The following MAP7D2 variants were observed in gnomAD, a reference collection of about 807,000 sequenced individuals.
MAP7D2 encodes MAP7 domain containing 2, also known as MAP7 domain-containing protein 2.
In MAP7D2, 33 loss-of-function variants were observed where a neutral mutation model predicts 63.5. The ratio of observed to expected loss-of-function variants is 0.52; its 90% confidence interval spans 0.39 to 0.70. MAP7D2 has a LOEUF of 0.70. Ranked by LOEUF, MAP7D2 falls within the 30% of genes least tolerant of loss-of-function variation. The probability of loss-of-function intolerance (pLI) is 0.00; values close to 1 mark genes in which losing one functional copy is unlikely to be tolerated. For synonymous variants in MAP7D2, 224 were observed against 223.7 expected (o/e 1.00, Z -0.01); for missense variants, 626 against 604.0 (o/e 1.04, Z -0.38).
At chrX:20,066,232 G>T (rs1239195655) in intron 1 of MAP7D2, among the ~76,000 whole-genome samples, 1 of 111,999 alleles carries the variant, frequency 8.9e-6, no homozygotes, top group Admixed American at 9.4e-5. Flanking sequence ...ATATAACCAG[G>T]TTCACTTCCC....
At chrX:20,053,047 C>T in intron 4 of MAP7D2, 59 bp from the exon 5 acceptor site, 3 of 878,694 alleles carry the variant, frequency 3.4e-6, no homozygotes, top group East Asian at 6.2e-5. Flanking sequence ...AACCAAGAAA[C>T]ACATATCCCG....
At position 20,052,979 on chromosome X, in the gene MAP7D2, T is replaced by C. The variant is rs200382711; in HGVS notation, c.494A>G (p.Lys165Arg). 1.4e-5 allele frequency: 17 copies of C among 1,196,767 alleles called. No homozygotes were observed. The highest frequency in any genetic ancestry group is 3.5e-5 in the South Asian group (2 of 56,522). ...IGPGGHDACD[K>R]LSTSTMSLPK... ...CAAACTCATAGTTGATGTTGAAAGT[T>C]TGTCACATGCTGCAGAGAAATGCAT... The change falls in exon 5 of 17, where the codon AAA (lysine) becomes AGA (arginine). Residue 165 changes from lysine (K) to arginine (R), a missense_variant. Lys to Arg is a conservative substitution (Grantham distance 26, BLOSUM62 2). Transcript: ENST00000379643.
chrX:20,067,876 G>T (rs1034674481), intron 1 of MAP7D2, among the ~76,000 whole-genome samples: 3 of 112,368 alleles, frequency 2.7e-5, no homozygotes, highest in African/African-American at 9.7e-5. Flanking sequence ...GCAGTACTGT[G>T]AGCCAAGCGC....
intron 1 of MAP7D2, among the ~76,000 whole-genome samples, chrX:20,069,972 G>A (rs1441054759): frequency 9.1e-6 from 1 of 109,828 alleles, no homozygotes; most frequent in African/African-American, 3.3e-5. Flanking sequence ...TTTTTGAGAC[G>A]GAGTCTCGCT....
chrX:20,047,465 G>A (rs1253376698), intron 6 of MAP7D2, among the ~76,000 whole-genome samples: 3 of 111,092 alleles, frequency 2.7e-5, no homozygotes, highest in African/African-American at 9.8e-5. Flanking sequence ...CACAGGCCAG[G>A]TAAAAAGATT....
chrX:20,043,810 T>A (rs1295274331), intron 7 of MAP7D2, among the ~76,000 whole-genome samples: 1 of 112,105 alleles, frequency 8.9e-6, no homozygotes, highest in African/African-American at 3.2e-5. Flanking sequence ...TTCTCAACAT[T>A]TAATTTACTG....
In MAP7D2 at chrX:20,007,601, G is replaced by C. The variant is rs2073047912; in HGVS notation, c.*824C>G. On this transcript the variant is annotated 3_prime_UTR_variant, in exon 17 of 17. Transcript: ENST00000379643. ...GATCCAATAGAAAAAAAATTAGCAA[G>C]AACATTGAAAACCAACCACCTGCAC... The C allele has an allele frequency of 9.0e-6, 1 of 111,279 alleles. No homozygotes were observed. Among genetic ancestry groups the C allele is most frequent in the Non-Finnish European group, 1.9e-5 (1 of 53,028 alleles). 9.2% of individuals were successfully genotyped at this position (111,279 alleles called of 1,213,427 possible). A position where few individuals can be genotyped will look rare whatever the true frequency, so the allele number is the denominator to read the frequency against.
chrX:20,047,911 CT>C (rs2064843179), intron 6 of MAP7D2, among the ~76,000 whole-genome samples: 1 of 110,807 alleles, frequency 9.0e-6, no homozygotes, highest in African/African-American at 3.3e-5. Flanking sequence ...ATGAGATTTG[CT>C]TTAACTGCTA....
At chrX:20,037,085 A>G (rs974737611) in intron 8 of MAP7D2, among the ~76,000 whole-genome samples, 1 of 109,548 alleles carries the variant, frequency 9.1e-6, no homozygotes, top group Non-Finnish European at 1.9e-5. Flanking sequence ...TTCTAGAGGG[A>G]CAGAAGTAAT....
At chrX:20,090,363 C>CAA (rs56957181) in intron 1 of MAP7D2, among the ~76,000 whole-genome samples, 4 of 43,520 alleles carry the variant, frequency 9.2e-5, no homozygotes, top group Non-Finnish European at 1.7e-4. Flanking sequence ...GACTCTGTCT[C>CAA]AAAAAAAAAA....
intron 1 of MAP7D2, among the ~76,000 whole-genome samples, chrX:20,108,011 C>T (rs1252911782): frequency 9.0e-6 from 1 of 111,350 alleles, no homozygotes; most frequent in Non-Finnish European, 1.9e-5. Context: ...GTACCATACC[C>T]TTTGGGAAAT....
At chrX:20,059,183 G>A (rs1215933814) in intron 3 of MAP7D2, among the ~76,000 whole-genome samples, 1 of 112,324 alleles carries the variant, frequency 8.9e-6, no homozygotes, top group Non-Finnish European at 1.9e-5. Flanking sequence ...ATTCTTATCA[G>A]GACCATTTAG....
chrX:20,063,327 T>C (rs1365956671), intron 3 of MAP7D2, 87 bp downstream of exon 3: 2 of 1,061,131 alleles, frequency 1.9e-6, no homozygotes, highest in African/African-American at 3.7e-5. Flanking sequence ...GTCTCTCTCC[T>C]ACCCCAGAGC....
intron 1 of MAP7D2, among the ~76,000 whole-genome samples, chrX:20,067,437 GTCA>G (rs2065389028): frequency 9.0e-6 from 1 of 110,912 alleles, no homozygotes; most frequent in African/African-American, 3.3e-5. Context: ...CATGCTCACA[GTCA>G]TCATCACCAG....
intron 1 of MAP7D2, among the ~76,000 whole-genome samples, chrX:20,066,970 G>A (rs1484571253): frequency 8.9e-6 from 1 of 112,536 alleles, no homozygotes; most frequent in Admixed American, 9.4e-5. Context: ...AGTGGAAGGG[G>A]AACAAGCATA....
chrX:20,116,447 G>C, intron 1 of MAP7D2: 1 of 489,412 alleles, frequency 2.0e-6, no homozygotes, highest in Non-Finnish European at 2.6e-6. Context: ...GACGGGGACT[G>C]GACCCGCAGC....
intron 1 of MAP7D2, among the ~76,000 whole-genome samples, chrX:20,091,746 C>T (rs1335621133): frequency 9.0e-6 from 1 of 111,301 alleles, no homozygotes; most frequent in East Asian, 2.8e-4. Flanking sequence ...CCCAGCAATA[C>T]GGAGATGTAA....
At chrX:20,018,054 C>T (rs2073475826) in intron 10 of MAP7D2, among the ~76,000 whole-genome samples, 1 of 107,483 alleles carries the variant, frequency 9.3e-6, no homozygotes, top group Non-Finnish European at 1.9e-5. Context: ...ACAACCTCTG[C>T]CTCCCAGGTG....
intron 1 of MAP7D2, among the ~76,000 whole-genome samples, chrX:20,105,390 G>A (rs1422966862): frequency 9.0e-6 from 1 of 111,336 alleles, no homozygotes; most frequent in Non-Finnish European, 1.9e-5. Flanking sequence ...AACTGCTCAG[G>A]AAGGAGACAA....
Sources: allele counts gnomAD v4.1 joint callset (sites outside exome capture counted in the v4.1 genomes callset), GRCh38; gene constraint gnomAD v4.1.1; transcripts MANE v1.5; gene names NCBI Gene and HGNC (gene_info 2026-07-23, HGNC 2026-07-21).